MRTFB: variants seen among roughly 807,000 people sequenced by gnomAD.
MRTFB encodes the protein myocardin related transcription factor B, also known as myocardin-related transcription factor B.
Under a neutral mutation model 104.2 loss-of-function variants are expected in MRTFB, and 29 were observed. The ratio of observed to expected loss-of-function variants is 0.28; its 90% CI spans 0.21 to 0.38. MRTFB has a LOEUF of 0.38. Among genes scored for constraint, MRTFB ranks in the 10% least tolerant of loss-of-function variants. MRTFB has a pLI of 1.00. For synonymous variants in MRTFB, 535 were observed against 519.5 expected (o/e 1.03, Z -0.41); for missense variants, 1,270 against 1,341.6 (o/e 0.95, Z 0.83).
At chr16:14,005,916 T>A in the MRTFB span, among the ~76,000 whole-genome samples, 2 of 152,224 alleles carry the variant, frequency 1.3e-5, no homozygotes, top group South Asian at 4.1e-4. Flanking sequence ...AGCTTAAGAA[T>A]GAATGTTACG....
intron 2 of MRTFB, among the ~76,000 whole-genome samples, chr16:14,107,654 T>C (rs1160278900): frequency 6.6e-6 from 1 of 152,218 alleles, no homozygotes; most frequent in Non-Finnish European, 1.5e-5. Context: ...CTGTGCCAGC[T>C]ACTGTGTTAG....
At chr16:14,130,333 G>T (rs2037373695) in intron 2 of MRTFB, among the ~76,000 whole-genome samples, 2 of 152,080 alleles carry the variant, frequency 1.3e-5, no homozygotes, top group East Asian at 1.9e-4. Context: ...AATTTCTAGA[G>T]TTCTGAAACC....
the MRTFB span, among the ~76,000 whole-genome samples, chr16:14,049,371 T>C: frequency 6.6e-6 from 1 of 152,230 alleles, no homozygotes; most frequent in Non-Finnish European, 1.5e-5. Context: ...GAAACATAAA[T>C]ACTCAGAAAA....
chr16:14,035,371 C>A, the MRTFB span, among the ~76,000 whole-genome samples: 2 of 152,140 alleles, frequency 1.3e-5, no homozygotes, highest in Non-Finnish European at 2.9e-5. Context: ...GCAGCACAGC[C>A]CGCTTCCTGC....
Position 14,169,180 on chromosome 16 carries a change from G to T in MRTFB, c.154+28420G>T, listed in dbSNP as rs571786404. Among the ~76,000 whole-genome samples the T allele has an allele frequency of 3.3e-5, 5 of 152,148 alleles. No individual in the cohort carries two copies. In the South Asian group the frequency reaches 1.0e-3, roughly 32 times the overall value. ...CTTACCTATCCCCCTCCGACCATCA[G>T]TCATTTTTTGACATATTTCAGATAT... On this transcript the variant is annotated intron_variant, in intron 3 of 16. Transcript: ENST00000571589.
chr16:14,139,980 GT>G (rs1025152239), intron 2 of MRTFB, among the ~76,000 whole-genome samples: 4 of 152,152 alleles, frequency 2.6e-5, no homozygotes, highest in Non-Finnish European at 4.4e-5. Context: ...AATGAGCCAG[GT>G]TTTACTGTGA....
intron 3 of MRTFB, among the ~76,000 whole-genome samples, chr16:14,145,507 C>T (rs1033466085): frequency 2.0e-5 from 3 of 152,064 alleles, no homozygotes; most frequent in Non-Finnish European, 4.4e-5. Flanking sequence ...GATAGTGGAG[C>T]GGCAGGATAT....
Position 14,245,549 on chromosome 16 carries a change from T to C in MRTFB, c.1101T>C (p.Ser367=). 1 of 1,612,286 alleles carries C rather than the reference T, an allele frequency of 6.2e-7. No individual in the cohort carries two copies. Among genetic ancestry groups the C allele is most frequent in the Non-Finnish European group, 8.5e-7 (1 of 1,179,500 alleles). ...GAAGGCCACTCAATGACAAAAATAG[T>C]AACAGTGGGAATTCAGCTTTGAACA... ...APFKPLNDKN[S]NSGNSALNNA... is the part of the protein sequence containing the mutation. Residue 367 remains serine, a synonymous_variant, in exon 11 of 17, where the codon AGT becomes AGC. Coordinates refer to ENST00000571589, the MANE Select transcript of MRTFB (RefSeq NM_001308142.2).
chr16:14,055,822 C>T, the MRTFB span, among the ~76,000 whole-genome samples: 64 of 152,118 alleles, frequency 4.2e-4, 1 homozygote, highest in East Asian at 1.2e-3. Flanking sequence ...ATTAATCTCT[C>T]GGGGGAGATA....
In MRTFB at chr16:14,239,629, G is replaced by A. The variant is rs150757666; in HGVS notation, c.832-608G>A. 5.0e-3 allele frequency among the ~76,000 whole-genome samples: 761 copies of A among 152,254 alleles called. 6 individuals are homozygous for A. Among genetic ancestry groups the A allele is most frequent in the African/African-American group, 0.017 (715 of 41,534 alleles). On this transcript the variant is annotated intron_variant, in intron 9 of 16. Transcript: ENST00000571589. ...AACTGAGAAGACAACAAGACCTCAG[G>A]AAAACATCATCTGATTCCTAATCTT...
At chr16:14,163,435 T>C (rs577356191) in intron 3 of MRTFB, among the ~76,000 whole-genome samples, 1 of 152,320 alleles carries the variant, frequency 6.6e-6, no homozygotes, top group South Asian at 2.1e-4. Context: ...ATATTACATA[T>C]AAGCCTCAGC....
At chr16:14,067,456 C>A (rs1231555351), upstream of MRTFB, among the ~76,000 whole-genome samples, 2 of 152,060 alleles carry the variant, frequency 1.3e-5, no homozygotes, top group African/African-American at 4.8e-5. Flanking sequence ...CTCCTGACCT[C>A]AAGTGATCTG....
upstream of MRTFB, among the ~76,000 whole-genome samples, chr16:14,067,990 C>A (rs2031467196): frequency 6.6e-6 from 1 of 151,994 alleles, no homozygotes; most frequent in Non-Finnish European, 1.5e-5. Flanking sequence ...CGCCACCATG[C>A]CTGGGTAATT....
At chr16:14,257,346 T>C (rs1037974193) in intron 15 of MRTFB, among the ~76,000 whole-genome samples, 4 of 152,094 alleles carry the variant, frequency 2.6e-5, no homozygotes, top group Non-Finnish European at 4.4e-5. Context: ...CAAATGTCCA[T>C]CCACAAGTCA....
intron 2 of MRTFB, among the ~76,000 whole-genome samples, chr16:14,102,422 C>A (rs2035752430): frequency 6.6e-6 from 1 of 152,142 alleles, no homozygotes; most frequent in South Asian, 2.1e-4. Context: ...GGTGAAATGA[C>A]AAAATGTGTT....
chr16:14,042,519 T>G, the MRTFB span, among the ~76,000 whole-genome samples: 2 of 152,198 alleles, frequency 1.3e-5, no homozygotes, highest in Non-Finnish European at 2.9e-5. Context: ...GTAGGCAATC[T>G]CACTTGAACC....
the MRTFB span, among the ~76,000 whole-genome samples, chr16:14,053,503 C>T: frequency 6.6e-6 from 1 of 151,878 alleles, no homozygotes; most frequent in Non-Finnish European, 1.5e-5. Context: ...GAGGCCAAGG[C>T]GGGCATATCA....
chr16:14,006,956 G>A, the MRTFB span, among the ~76,000 whole-genome samples: 610 of 152,174 alleles, frequency 4.0e-3, 3 homozygotes, highest in African/African-American at 0.014. Flanking sequence ...GTTCAAGGCT[G>A]CAGTGAGCTA....
chr16:14,257,408 A>G (rs1410935262), intron 15 of MRTFB, among the ~76,000 whole-genome samples: 2 of 152,188 alleles, frequency 1.3e-5, no homozygotes, highest in African/African-American at 4.8e-5. Flanking sequence ...ACTCAGCAAT[A>G]AAAAAATTAA....
Sources: allele counts gnomAD v4.1 joint callset (sites outside exome capture counted in the v4.1 genomes callset), GRCh38; gene constraint gnomAD v4.1.1; transcripts MANE v1.5; gene names NCBI Gene and HGNC (gene_info 2026-07-23, HGNC 2026-07-21).